EEIG1: variants seen among roughly 807,000 people sequenced by gnomAD.
The protein encoded by EEIG1 is early estrogen-induced gene 1 protein.
At chr9:127,958,670 A>AC in the EEIG1 span, among the ~76,000 whole-genome samples, 1 of 152,296 alleles carries the variant, frequency 6.6e-6, no homozygotes, top group Middle Eastern at 3.4e-3. Context: ...ATCTTAAAAA[A>AC]AAAAGAAAAA....
chr9:127,967,814 A>G, the EEIG1 span, among the ~76,000 whole-genome samples: 2 of 152,086 alleles, frequency 1.3e-5, no homozygotes, highest in African/African-American at 2.4e-5. Context: ...GGCACAGTGG[A>G]CACCCATGCT....
chr9:127,956,054 C>T, the EEIG1 span, among the ~76,000 whole-genome samples: 13,583 of 152,248 alleles, frequency 0.089, 640 homozygotes, highest in Middle Eastern at 0.099. Context: ...AGACTGGGGA[C>T]AAGCAGAAAG....
chr9:127,975,240 A>G, the EEIG1 span, among the ~76,000 whole-genome samples: 10 of 152,288 alleles, frequency 6.6e-5, 1 homozygote, highest in East Asian at 1.9e-3. Flanking sequence ...CTTCATACTA[A>G]AAGAACCCCA....
At chr9:127,945,609 AAGG>A in the EEIG1 span, 3 of 1,563,792 alleles carry the variant, frequency 1.9e-6, no homozygotes, top group Admixed American at 1.9e-5. The surrounding 1 kb of genome is among the most constrained non-coding windows in gnomAD (Gnocchi z 6.5). Flanking sequence ...GATCCCGAGG[AAGG>A]AGGAGGCCAC....
the EEIG1 span, chr9:127,980,082 T>A: frequency 6.2e-7 from 1 of 1,613,916 alleles, no homozygotes; most frequent in Non-Finnish European, 8.5e-7. Flanking sequence ...AGTCAGCTCC[T>A]CCAGGGTGAA....
chr9:127,965,915 C>T, the EEIG1 span, among the ~76,000 whole-genome samples: 1 of 152,218 alleles, frequency 6.6e-6, no homozygotes, highest in Admixed American at 6.5e-5. Flanking sequence ...TGGCCAGGAC[C>T]TCCTCCTGCA....
the EEIG1 span, among the ~76,000 whole-genome samples, chr9:127,978,686 A>C: frequency 2.6e-5 from 4 of 151,076 alleles, no homozygotes; most frequent in African/African-American, 9.7e-5. Flanking sequence ...CTAAAAATAC[A>C]AAAAAATTAT....
At chr9:127,973,054 C>G in the EEIG1 span, among the ~76,000 whole-genome samples, 1 of 152,146 alleles carries the variant, frequency 6.6e-6, no homozygotes, top group East Asian at 1.9e-4. This position sits in a 1 kb window ranked among gnomAD's most constrained non-coding sequence, Gnocchi z 4.2. Context: ...TTCTGGGTCT[C>G]TTTCTAAGCA....
the EEIG1 span, among the ~76,000 whole-genome samples, chr9:127,956,751 A>G: frequency 7.0e-6 from 1 of 142,076 alleles, no homozygotes; most frequent in African/African-American, 2.7e-5. Context: ...GTCTCACTCT[A>G]TGGCCCAGGC....
the EEIG1 span, chr9:127,947,989 C>T: frequency 3.6e-5 from 53 of 1,472,578 alleles, no homozygotes; most frequent in Non-Finnish European, 4.5e-5. Flanking sequence ...CAGTCAGCGT[C>T]TCCCTGGGGA....
chr9:127,946,671 C>A, the EEIG1 span, among the ~76,000 whole-genome samples: 1 of 152,242 alleles, frequency 6.6e-6, no homozygotes, highest in Non-Finnish European at 1.5e-5. Flanking sequence ...GAACCCCATC[C>A]AGGGGCTGGA....
At chr9:127,944,912 T>TG in the EEIG1 span, 5 of 1,608,176 alleles carry the variant, frequency 3.1e-6, no homozygotes, top group African/African-American at 1.3e-5. Flanking sequence ...GGTCAGGTCG[T>TG]GGGGGGACAA....
At chr9:127,948,418 TG>T in the EEIG1 span, 1 of 1,614,036 alleles carries the variant, frequency 6.2e-7, no homozygotes, top group Non-Finnish European at 8.5e-7. Context: ...TGGTGACCTG[TG>T]GCGAGGGGAG....
chr9:127,967,496 C>T, the EEIG1 span, among the ~76,000 whole-genome samples: 3 of 152,226 alleles, frequency 2.0e-5, no homozygotes, highest in Admixed American at 2.0e-4. Flanking sequence ...AGCTGGGCTC[C>T]CATGCCAGGG....
At chr9:127,943,012 C>G in the EEIG1 span, 1 of 652,274 alleles carries the variant, frequency 1.5e-6, no homozygotes, top group South Asian at 1.7e-5. Flanking sequence ...CCAGGAGGGT[C>G]CCAGCATGGA....
At chr9:127,971,445 T>C in the EEIG1 span, among the ~76,000 whole-genome samples, 1 of 151,600 alleles carries the variant, frequency 6.6e-6, no homozygotes, top group Non-Finnish European at 1.5e-5. Context: ...TGCCTCTCAA[T>C]TGCAGCCTCT....
chr9:127,979,340 T>G, the EEIG1 span, among the ~76,000 whole-genome samples: 1 of 152,238 alleles, frequency 6.6e-6, no homozygotes, highest in South Asian at 2.1e-4. Context: ...GGAACTCAGT[T>G]GCATTCAGCA....
chr9:127,955,665 TG>T, the EEIG1 span, among the ~76,000 whole-genome samples: 2 of 152,178 alleles, frequency 1.3e-5, no homozygotes, highest in African/African-American at 4.8e-5. Context: ...AGAATGAGCC[TG>T]GGGAGTAGCC....
chr9:127,972,685 A>T, the EEIG1 span: 1 of 152,358 alleles, frequency 6.6e-6, no homozygotes, highest in Admixed American at 6.5e-5. The surrounding 1 kb of genome is among the most constrained non-coding windows in gnomAD (Gnocchi z 4.3). Flanking sequence ...ACAAGCAGGC[A>T]GAAAGGCCTC....
Sources: gnomAD v4.1 joint callset for allele counts (sites outside exome capture counted in the v4.1 genomes callset) on GRCh38, gnomAD v4.1.1 for gene constraint, Gnocchi (gnomAD v3.1) non-coding constraint, MANE v1.5 for transcripts, NCBI Gene and HGNC (gene_info 2026-07-23, HGNC 2026-07-21) for gene names.